Variants in DOCK1 observed in about 807,000 individuals in gnomAD.
DOCK1 encodes dedicator of cytokinesis protein 1.
In DOCK1, 138 loss-of-function variants were observed where a neutral mutation model predicts 262.7. The ratio of observed to expected loss-of-function variants is 0.53; its 90% CI spans 0.46 to 0.61. The LOEUF (loss-of-function observed/expected upper bound fraction) is 0.61, where lower values mean the gene tolerates loss of function less well. Ranked by LOEUF, DOCK1 falls within the 20% of genes least tolerant of loss-of-function variation. The probability of loss-of-function intolerance (pLI) is 0.00; values close to 1 mark genes in which losing one functional copy is unlikely to be tolerated. For synonymous variants in DOCK1, 866 were observed against 867.4 expected (o/e 1.00, Z 0.03); for missense variants, 1,908 against 2,370.7 (o/e 0.80, Z 4.05).
chr10:126,936,881 C>T, intron 1 of DOCK1, among the ~76,000 whole-genome samples: 1 of 152,132 alleles, frequency 6.6e-6, no homozygotes. Flanking sequence ...ACAGCAGCAC[C>T]ATTCGTCACC....
At chr10:127,300,740 C>A (rs1002590808) in intron 29 of DOCK1, among the ~76,000 whole-genome samples, 1 of 152,196 alleles carries the variant, frequency 6.6e-6, no homozygotes, top group Non-Finnish European at 1.5e-5. Context: ...CCTCCCCAGC[C>A]GTTTTCTCTC....
intron 25 of DOCK1, 99 bp from the exon 26 acceptor site, chr10:127,125,375 G>C: frequency 1.3e-6 from 2 of 1,547,802 alleles, no homozygotes; most frequent in South Asian, 2.4e-5. Flanking sequence ...GTTGCACAAC[G>C]TGAATGCAAA....
At chr10:127,198,744 C>CTT (rs3083933) in intron 27 of DOCK1, among the ~76,000 whole-genome samples, 59,680 of 146,368 alleles carry the variant, frequency 0.41, 12,386 homozygotes, top group Middle Eastern at 0.56. Flanking sequence ...GGCATCGCTT[C>CTT]TTTTTTTTTT....
At chr10:127,073,734 CTG>C (rs1212063437) in intron 23 of DOCK1, among the ~76,000 whole-genome samples, 3 of 152,192 alleles carry the variant, frequency 2.0e-5, no homozygotes, top group Non-Finnish European at 4.4e-5. Flanking sequence ...AAGGAAAAGA[CTG>C]TGAAGTTGAA....
chr10:127,329,338 T>C (rs11017351), intron 29 of DOCK1, among the ~76,000 whole-genome samples: 7,392 of 152,168 alleles, frequency 0.049, 216 homozygotes, highest in Non-Finnish European at 0.072. Context: ...AGGAGGAGCC[T>C]GGGAGAGGAA....
chr10:127,036,485 G>A (rs571022494), intron 18 of DOCK1, among the ~76,000 whole-genome samples: 2 of 151,896 alleles, frequency 1.3e-5, no homozygotes, highest in Non-Finnish European at 2.9e-5. Flanking sequence ...ATTAACTAGA[G>A]TTTTGTTTTT....
At chr10:126,983,820 C>T (rs1273387911) in intron 4 of DOCK1, among the ~76,000 whole-genome samples, 1 of 152,206 alleles carries the variant, frequency 6.6e-6, no homozygotes, top group Non-Finnish European at 1.5e-5. Context: ...ACCACTGATT[C>T]TGTACCTATT....
chr10:126,976,711 A>T (rs1196920906), intron 2 of DOCK1, among the ~76,000 whole-genome samples: 1 of 150,846 alleles, frequency 6.6e-6, no homozygotes, highest in African/African-American at 2.4e-5. Flanking sequence ...CTTTGTTCCT[A>T]TGGGGCAGAG....
rs1210268352 is a variant in DOCK1 at position 126,963,626 on chromosome 10, TTC to T, written c.47-7075_47-7074del. On this transcript the variant is annotated intron_variant, in intron 1 of 51. Transcript: ENST00000623213. ...TTCCCTTCCCTTCCCTTCCCTTCCC[TTC>T]CCTTCCCTTCCCTCCTTCCTTCCTT... Among the ~76,000 whole-genome samples the T allele has an allele frequency of 1.5e-3, 83 of 55,034 alleles. 1 individual carries two copies. Among genetic ancestry groups the T allele is most frequent in the African/African-American group, 6.3e-3 (59 of 9,326 alleles). The allele number at this position is 55,034 out of a possible 152,430, so 36.1% of individuals were successfully genotyped here. A position where few individuals can be genotyped will look rare whatever the true frequency, so the allele number is the denominator to read the frequency against.
At chr10:126,974,000 A>G (rs1359001515) in intron 2 of DOCK1, among the ~76,000 whole-genome samples, 1 of 152,110 alleles carries the variant, frequency 6.6e-6, no homozygotes, top group Non-Finnish European at 1.5e-5. Flanking sequence ...GTTGTGGTTA[A>G]TTTCTCTTTC....
At chr10:127,275,984 C>T (rs1325405123) in intron 29 of DOCK1, among the ~76,000 whole-genome samples, 1 of 152,220 alleles carries the variant, frequency 6.6e-6, no homozygotes, top group Non-Finnish European at 1.5e-5. Context: ...GCTCATGCTG[C>T]CTTATTACGT....
chr10:127,051,045 A>G (rs900064118), intron 21 of DOCK1, among the ~76,000 whole-genome samples: 1 of 152,140 alleles, frequency 6.6e-6, no homozygotes, highest in Non-Finnish European at 1.5e-5. Flanking sequence ...CTCCTAATAT[A>G]TAGTTTATTT....
intron 27 of DOCK1, among the ~76,000 whole-genome samples, chr10:127,223,210 T>C (rs1442554569): frequency 6.6e-6 from 1 of 152,194 alleles, no homozygotes; most frequent in African/African-American, 2.4e-5. Context: ...TGGAACAACA[T>C]AAATCAGCAA....
At chr10:127,061,892 T>TTG (rs1198781230) in intron 23 of DOCK1, 116 bp downstream of exon 23, 1 of 682,580 alleles carries the variant, frequency 1.5e-6, no homozygotes, top group African/African-American at 1.9e-5. Context: ...CCATAGTTGT[T>TTG]AATGTCAGAG....
At chr10:127,206,375 C>T (rs561244495) in intron 27 of DOCK1, among the ~76,000 whole-genome samples, 1 of 152,272 alleles carries the variant, frequency 6.6e-6, no homozygotes, top group African/African-American at 2.4e-5. Context: ...AACTCGTGAC[C>T]TCAAGTGATC....
Position 127,012,228 on chromosome 10 carries a change from C to T in DOCK1, c.1059-4C>T, listed in dbSNP as rs2041511189. 2 of 1,554,580 alleles carry T rather than the reference C, an allele frequency of 1.3e-6. No individual in the cohort carries two copies. The highest frequency in any genetic ancestry group is 1.8e-6 in the Non-Finnish European group (2 of 1,126,040). On this transcript the variant is annotated splice_polypyrimidine_tract_variant and splice_region_variant and intron_variant, in intron 11 of 51. Coordinates refer to ENST00000623213, the MANE Select transcript of DOCK1 (RefSeq NM_001290223.2). This position sits in a 1 kb window ranked among gnomAD's most constrained non-coding sequence, Gnocchi z 4.0. ...TGTGGTCTTGGTCGTCCCGTGCCCT[C>T]CAGGCTCGCGTTGGACGACGCCATT...
chr10:127,011,015 A>C (rs1333943346), intron 11 of DOCK1, among the ~76,000 whole-genome samples: 1 of 152,156 alleles, frequency 6.6e-6, no homozygotes, highest in African/African-American at 2.4e-5. Flanking sequence ...AGATTCACTG[A>C]TTTTCACAGA....
chr10:127,206,260 C>T (rs183164163), intron 27 of DOCK1, among the ~76,000 whole-genome samples: 4,101 of 148,258 alleles, frequency 0.028, 210 homozygotes, highest in African/African-American at 0.096. Flanking sequence ...TCTGGTGCCT[C>T]AGCCTCCCGA....
intron 27 of DOCK1, among the ~76,000 whole-genome samples, chr10:127,229,850 A>G (rs1295208340): frequency 6.6e-6 from 1 of 152,198 alleles, no homozygotes; most frequent in Non-Finnish European, 1.5e-5. Context: ...ACTCCCATCC[A>G]CAGCACACAG....
Sources: allele counts gnomAD v4.1 joint callset (sites outside exome capture counted in the v4.1 genomes callset), GRCh38; gene constraint gnomAD v4.1.1; non-coding constraint Gnocchi (gnomAD v3.1); transcripts MANE v1.5; gene names NCBI Gene and HGNC (gene_info 2026-07-23, HGNC 2026-07-21).